PRKACB: variants seen among roughly 807,000 people sequenced by gnomAD.
PRKACB encodes protein kinase cAMP-activated catalytic subunit beta.
PRKACB carries 16 observed loss-of-function variants against 51.4 expected under a neutral mutation model. The ratio of observed to expected loss-of-function variants is 0.31; its 90% CI spans 0.21 to 0.47. The LOEUF is 0.47. Among genes scored for constraint, PRKACB ranks in the 20% least tolerant of loss-of-function variants. The pLI, the probability that PRKACB is intolerant of heterozygous loss-of-function variation, is 1.00. For missense variants in PRKACB, 309 were observed against 464.5 expected (o/e 0.67, Z 3.08); for synonymous variants, 147 against 154.4 (o/e 0.95, Z 0.35).
chr1:84,204,213 G>A (rs1469047423), intron 8 of PRKACB, among the ~76,000 whole-genome samples: 1 of 146,264 alleles, frequency 6.8e-6, no homozygotes, highest in Non-Finnish European at 1.6e-5. Context: ...CACGTTTTAT[G>A]TAGAAAGTTT....
chr1:84,083,061 A>C (rs1206324796), intron 1 of PRKACB, among the ~76,000 whole-genome samples: 1 of 152,208 alleles, frequency 6.6e-6, no homozygotes, highest in Non-Finnish European at 1.5e-5. Context: ...CTAGAAATAA[A>C]ATTTTGTGAT....
chr1:84,182,151 A>G lies in PRKACB; in HGVS notation c.250-49A>G, dbSNP rs1663717873. ...TATTATTAAAGCATTTATAATTCCC[A>G]TAGTGTTTTTACGAGAATTTTAAAT... is the stretch of plus-strand genomic sequence containing the variant. On this transcript the variant is annotated intron_variant, in intron 2 of 9. Transcript: ENST00000370685. 9.3e-6 allele frequency: 12 copies of G among 1,284,536 alleles called. No homozygotes were observed. The Middle Eastern group carries it at 8.1e-4, about 86-fold the overall frequency. 79.6% of individuals were successfully genotyped at this position (1,284,536 alleles called of 1,614,324 possible).
chr1:84,161,603 A>C (rs568826631), intron 1 of PRKACB, among the ~76,000 whole-genome samples: 1 of 151,816 alleles, frequency 6.6e-6, no homozygotes, highest in Non-Finnish European at 1.5e-5. Flanking sequence ...TTAAAAATAA[A>C]ATTTAAAAGG....
chr1:84,084,222 T>C (rs1647787969), intron 1 of PRKACB, among the ~76,000 whole-genome samples: 1 of 152,082 alleles, frequency 6.6e-6, no homozygotes, highest in Non-Finnish European at 1.5e-5. Flanking sequence ...GACCGAGCAT[T>C]GATAAGTGAA....
chr1:84,106,006 T>C (rs200337882), intron 1 of PRKACB, among the ~76,000 whole-genome samples: 2 of 128,246 alleles, frequency 1.6e-5, no homozygotes, highest in Middle Eastern at 4.1e-3. Context: ...GAAATAATAA[T>C]AACTATTTAC....
chr1:84,080,695 GA>G (rs1647464198), intron 1 of PRKACB, among the ~76,000 whole-genome samples: 1 of 152,060 alleles, frequency 6.6e-6, no homozygotes. Flanking sequence ...ATTTTTTAAA[GA>G]ATTATTCTTG....
intron 1 of PRKACB, among the ~76,000 whole-genome samples, chr1:84,118,386 C>G (rs1650799284): frequency 6.6e-6 from 1 of 151,938 alleles, no homozygotes; most frequent in Admixed American, 6.6e-5. Flanking sequence ...CCATCTTGTA[C>G]CAAAATCCCA....
At chr1:84,209,598 AT>A (rs1671836978) in intron 8 of PRKACB, among the ~76,000 whole-genome samples, 1 of 152,184 alleles carries the variant, frequency 6.6e-6, no homozygotes. Flanking sequence ...ATGTTAAATA[AT>A]ATCCTATTAT....
At chr1:84,201,719 G>T (rs1174229504) in intron 7 of PRKACB, among the ~76,000 whole-genome samples, 3 of 151,958 alleles carry the variant, frequency 2.0e-5, no homozygotes, top group South Asian at 2.1e-4. Flanking sequence ...ATGGTAGAGG[G>T]TACCTCTGAG....
rs868805613 is a variant in PRKACB, at chr1:84,214,034, C to T, written c.907-119C>T. 8.0e-6 allele frequency: 8 copies of T among 1,006,038 alleles called. No homozygotes were observed. The African/African-American group carries it at 8.4e-5, about 11-fold the overall frequency. 62.3% of individuals were successfully genotyped at this position (1,006,038 alleles called of 1,614,324 possible). A position where few individuals can be genotyped will look rare whatever the true frequency, so the allele number is the denominator to read the frequency against. ...GTAGTTAAAAGTATGTGAAGGTCAT[C>T]GCTCCATATTTTTGTTTATATAATG... On this transcript the variant is annotated intron_variant, in intron 8 of 9. Transcript: ENST00000370685.
chr1:84,198,974 C>T (rs568355711), intron 7 of PRKACB, among the ~76,000 whole-genome samples: 18 of 142,174 alleles, frequency 1.3e-4, no homozygotes, highest in South Asian at 4.3e-4. Flanking sequence ...TATGTGTATA[C>T]GCATATATGT....
intron 1 of PRKACB, chr1:84,178,936 T>C: frequency 3.6e-6 from 1 of 279,442 alleles, no homozygotes. Context: ...ATTTTTGTTA[T>C]GACATTTGAA....
chr1:84,116,296 C>T (rs1650632681), intron 1 of PRKACB, among the ~76,000 whole-genome samples: 1 of 152,100 alleles, frequency 6.6e-6, no homozygotes, highest in Non-Finnish European at 1.5e-5. Context: ...CAGCTTCGTT[C>T]TTTTTGCTCA....
intron 8 of PRKACB, among the ~76,000 whole-genome samples, chr1:84,210,787 T>C (rs1249153268): frequency 6.6e-6 from 1 of 152,192 alleles, no homozygotes; most frequent in Non-Finnish European, 1.5e-5. Context: ...TAAAACAATT[T>C]TGTTGAAGTT....
At chr1:84,199,231 T>C (rs1335998485) in intron 7 of PRKACB, among the ~76,000 whole-genome samples, 1 of 151,694 alleles carries the variant, frequency 6.6e-6, no homozygotes, top group African/African-American at 2.4e-5. Context: ...GGGTTTGTTA[T>C]ACAGATTATT....
At chr1:84,090,000 C>A (rs1470581933) in intron 1 of PRKACB, among the ~76,000 whole-genome samples, 1 of 152,170 alleles carries the variant, frequency 6.6e-6, no homozygotes, top group African/African-American at 2.4e-5. Flanking sequence ...ATAAACTCAG[C>A]TATGTGCTTT....
chr1:84,136,490 CCACACACACA>C (rs60681226), intron 1 of PRKACB, among the ~76,000 whole-genome samples: 40 of 146,650 alleles, frequency 2.7e-4, no homozygotes, highest in African/African-American at 9.3e-4. Flanking sequence ...ACGGCCAAAA[CCACACACACA>C]CACACACACA....
intron 1 of PRKACB, among the ~76,000 whole-genome samples, chr1:84,155,197 T>A (rs1283687834): frequency 6.6e-6 from 1 of 152,012 alleles, no homozygotes; most frequent in Non-Finnish European, 1.5e-5. Flanking sequence ...GCATAAAAAA[T>A]TAAAATGCAT....
chr1:84,204,642 A>G (rs370631166), intron 8 of PRKACB: 1 of 1,154,398 alleles, frequency 8.7e-7, no homozygotes, highest in Non-Finnish European at 1.1e-6. Context: ...ATGGAAGAAG[A>G]ATATTTTACT....
Sources: allele counts gnomAD v4.1 joint callset (sites outside exome capture counted in the v4.1 genomes callset), GRCh38; gene constraint gnomAD v4.1.1; transcripts MANE v1.5; gene names NCBI Gene and HGNC (gene_info 2026-07-23, HGNC 2026-07-21).